SNRNP48: variants seen among roughly 807,000 people sequenced by gnomAD.
The protein encoded by SNRNP48 is small nuclear ribonucleoprotein U11/U12 subunit 48.
In SNRNP48, 43 loss-of-function variants were observed where a neutral mutation model predicts 47.0. The observed-to-expected ratio is 0.92, with a 90% CI of 0.72 to 1.18. The LOEUF (loss-of-function observed/expected upper bound fraction) is 1.18. SNRNP48 is among the 50% of genes most tolerant of loss of function. SNRNP48 has a pLI of 0.00. For missense variants in SNRNP48, 396 were observed against 422.2 expected, an observed-to-expected ratio of 0.94 and a Z score of 0.54; for synonymous variants, 138 against 144.0, an observed-to-expected ratio of 0.96 and a Z score of 0.30.
Position 7,602,613 on chromosome 6 carries a change from C to A in SNRNP48, c.596-10C>A, listed in dbSNP as rs1367592506. On this transcript the variant is annotated splice_polypyrimidine_tract_variant and intron_variant, in intron 5 of 8. Coordinates refer to ENST00000342415, the MANE Select transcript of SNRNP48 (RefSeq NM_152551.4). ...AAGGATATAATACTTTTATTTTATT[C>A]TTTCATTAGACAATAGTCGAAAAAG... 3 of 1,558,960 alleles carry A rather than the reference C, an allele frequency of 1.9e-6. No homozygotes were observed. Among genetic ancestry groups the A allele is most frequent in the Non-Finnish European group, 2.6e-6 (3 of 1,156,400 alleles).
rs1229070262 is a variant in SNRNP48 at position 7,590,320 on chromosome 6, C to T, written c.63C>T (p.Phe21=). 1 of 1,407,286 alleles carries T rather than the reference C, an allele frequency of 7.1e-7. No individual in the cohort carries two copies. Among genetic ancestry groups the T allele is most frequent in the Non-Finnish European group, 9.4e-7 (1 of 1,066,342 alleles). 87.2% of individuals were successfully genotyped at this position (1,407,286 alleles called of 1,614,324 possible). ...RRRLQEELNE[F]VESGCRTLEE... The stretch of plus-strand genomic sequence containing the variant: ...GGCTGCAGGAGGAGCTGAACGAGTT[C>T]GTGGAGAGCGGCTGCCGGACGTTGG... The change falls in exon 1 of 9, where the codon TTC becomes TTT. Residue 21 remains phenylalanine (F), a synonymous_variant. Transcript: ENST00000342415.
chr6:7,605,490 C>T lies in SNRNP48; in HGVS notation c.806+4C>T, dbSNP rs370297021. 2.9e-5 allele frequency: 47 copies of T among 1,610,982 alleles called. No individual in the cohort carries two copies. The highest frequency in any genetic ancestry group is 2.7e-4 in the African/African-American group (20 of 74,844). Reference sequence around the variant, plus strand: ...AGGCAGAGGATGATGCCGAAAAGTACGTCATTATCTTTATTGGTGAAAATA... The same window carrying T: ...AGGCAGAGGATGATGCCGAAAAGTATGTCATTATCTTTATTGGTGAAAATA... On this transcript the variant is annotated splice_donor_region_variant and intron_variant, in intron 7 of 8. Transcript: ENST00000342415.
At chr6:7,598,502 GAAAA>G (rs542730793) in intron 4 of SNRNP48, among the ~76,000 whole-genome samples, 1 of 151,382 alleles carries the variant, frequency 6.6e-6, no homozygotes, top group Non-Finnish European at 1.5e-5. Flanking sequence ...CTCAAAAAAA[GAAAA>G]AAAAATTTTT....
chr6:7,599,559 TA>T, intron 4 of SNRNP48: 1 of 523,096 alleles, frequency 1.9e-6, no homozygotes, highest in South Asian at 2.5e-5. Context: ...ACATTTTATG[TA>T]AATGTAAGTT....
At chr6:7,597,778 A>T (rs551843354) in intron 4 of SNRNP48, among the ~76,000 whole-genome samples, 29 of 152,222 alleles carry the variant, frequency 1.9e-4, no homozygotes, top group Non-Finnish European at 3.4e-4. Flanking sequence ...GTTAAGAGGA[A>T]CTATTATATT....
intron 4 of SNRNP48, chr6:7,599,568 GTTTA>G: frequency 3.4e-6 from 2 of 595,498 alleles, no homozygotes; most frequent in South Asian, 4.5e-5. Flanking sequence ...GTAAATGTAA[GTTTA>G]TTTAAGTATG....
intron 4 of SNRNP48, chr6:7,600,474 T>G (rs1013173587): frequency 2.6e-5 from 4 of 152,310 alleles, no homozygotes; most frequent in African/African-American, 9.6e-5. Context: ...CATTAGTGAG[T>G]AATGAAGTCT....
chr6:7,600,774 C>T (rs1760002952), intron 4 of SNRNP48: 1 of 152,096 alleles, frequency 6.6e-6, no homozygotes, highest in Admixed American at 6.5e-5. Context: ...TGTGGGATTT[C>T]TGCTACTTAA....
chr6:7,597,514 ACT>A (rs536794047), intron 4 of SNRNP48, among the ~76,000 whole-genome samples: 291 of 152,228 alleles, frequency 1.9e-3, no homozygotes, highest in African/African-American at 6.8e-3. Flanking sequence ...GTAATACAAA[ACT>A]CTCATAGAGT....
chr6:7,607,650 C>A (rs1410972404), intron 8 of SNRNP48, among the ~76,000 whole-genome samples: 1 of 152,146 alleles, frequency 6.6e-6, no homozygotes, highest in African/African-American at 2.4e-5. Flanking sequence ...TTGTTGCCAC[C>A]CTACCTAGCT....
chr6:7,592,361 A>G (rs1356247178), intron 1 of SNRNP48, among the ~76,000 whole-genome samples: 1 of 151,012 alleles, frequency 6.6e-6, no homozygotes, highest in Non-Finnish European at 1.5e-5. Flanking sequence ...CAGCCATATT[A>G]GAAAGTCTAG....
At chr6:7,602,424 C>G (rs1028955376) in intron 5 of SNRNP48, among the ~76,000 whole-genome samples, 199 bp from the exon 6 acceptor site, 10 of 152,036 alleles carry the variant, frequency 6.6e-5, no homozygotes. Context: ...CCTAAGCACT[C>G]TTATGTTCAA....
Position 7,594,965 on chromosome 6 carries a change from ATAATT to A in SNRNP48, c.332-56_332-52del, listed in dbSNP as rs1759876860. 3 of 1,409,070 alleles carry A rather than the reference ATAATT, an allele frequency of 2.1e-6. No homozygotes were observed. In the African/African-American group the frequency reaches 4.4e-5, roughly 21 times the overall value. 87.3% of individuals were successfully genotyped at this position (1,409,070 alleles called of 1,614,324 possible). On this transcript the variant is annotated intron_variant, in intron 3 of 8. Transcript: ENST00000342415. ...AAGGGCTTGGATCAGAAACCAGTTA[ATAATT>A]TAATTGTGGTCACTGATGATTCATA...
chr6:7,595,094 T>C lies in SNRNP48; in HGVS notation c.399T>C (p.Tyr133=), dbSNP rs766826195. The C allele has an allele frequency of 3.1e-6, 5 of 1,592,786 alleles. No homozygotes were observed. The Admixed American group carries it at 7.3e-5, about 23-fold the overall frequency. Residue 133 remains tyrosine, a synonymous_variant, in exon 4 of 9, where the codon TAT becomes TAC. Transcript: ENST00000342415. ...RTAVGKDSDC[Y]NQRIYSSLPV... ...CAGTTGGGAAAGACAGTGATTGTTATAATCAAAGTAAGTGGCATTACAGTT... is the reference window on the plus strand; with the variant it reads ...CAGTTGGGAAAGACAGTGATTGTTACAATCAAAGTAAGTGGCATTACAGTT...
At chr6:7,591,115 C>T (rs1462494545) in intron 1 of SNRNP48, among the ~76,000 whole-genome samples, 1 of 152,164 alleles carries the variant, frequency 6.6e-6, no homozygotes, top group African/African-American at 2.4e-5. Context: ...ATCTGTCATA[C>T]GGATTCCGCA....
chr6:7,605,089 G>C (rs1330767134), intron 6 of SNRNP48, among the ~76,000 whole-genome samples: 1 of 151,912 alleles, frequency 6.6e-6, no homozygotes, highest in Non-Finnish European at 1.5e-5. Flanking sequence ...TTCTTTAAGG[G>C]TTAAATTACA....
chr6:7,603,158 T>C (rs1561714632), intron 6 of SNRNP48, among the ~76,000 whole-genome samples: 1 of 152,216 alleles, frequency 6.6e-6, no homozygotes, highest in African/African-American at 2.4e-5. Flanking sequence ...GTTATGAGAA[T>C]TGACTGACAG....
At chr6:7,605,917 C>T in intron 7 of SNRNP48, 114 bp from the exon 8 acceptor site, 1 of 1,074,262 alleles carries the variant, frequency 9.3e-7, no homozygotes. Flanking sequence ...ATATTTAGAC[C>T]ATATCTACCA....
chr6:7,598,041 ATT>A lies in SNRNP48; in HGVS notation c.406+2946_406+2947del, dbSNP rs935468018. On this transcript the variant is annotated intron_variant, in intron 4 of 8. Transcript: ENST00000342415. ...CACCACGCCTGGCTAATTTTCTTGT[ATT>A]TTTTTAGTAGAGACGGGGTTTCACT... Among the ~76,000 whole-genome samples the A allele has an allele frequency of 8.6e-5, 13 of 150,798 alleles. No individual in the cohort carries two copies. In the East Asian group the frequency reaches 9.9e-4, roughly 12 times the overall value.
Sources: allele counts gnomAD v4.1 joint callset (sites outside exome capture counted in the v4.1 genomes callset), GRCh38; gene constraint gnomAD v4.1.1; transcripts MANE v1.5; gene names NCBI Gene and HGNC (gene_info 2026-07-23, HGNC 2026-07-21).